Variants in HTR7 observed in about 807,000 individuals in gnomAD.
HTR7 encodes the protein 5-hydroxytryptamine receptor 7, also known as 5-HT-7.
HTR7 carries 16 observed loss-of-function variants against 34.0 expected under a neutral mutation model. The ratio of observed to expected loss-of-function variants is 0.47; its 90% CI spans 0.32 to 0.71. The LOEUF (loss-of-function observed/expected upper bound fraction) is 0.71, where lower values mean the gene tolerates loss of function less well. HTR7 is among the 30% of genes least tolerant of loss of function. The pLI is 0.04. For synonymous variants in HTR7, 265 were observed against 260.2 expected (o/e 1.02, Z -0.18); for missense variants, 504 against 625.5 (o/e 0.81, Z 2.07).
chr10:90,849,841 A>G (rs12414726), intron 1 of HTR7, among the ~76,000 whole-genome samples: 33,095 of 152,142 alleles, frequency 0.22, 4,644 homozygotes, highest in African/African-American at 0.39. Flanking sequence ...TCACACACGC[A>G]TGCACGCTAT....
intron 1 of HTR7, among the ~76,000 whole-genome samples, chr10:90,795,911 G>T (rs898426308): frequency 7.2e-5 from 11 of 152,130 alleles, no homozygotes; most frequent in Non-Finnish European, 1.5e-4. Flanking sequence ...GGTTGAAAGG[G>T]TTATTATCAA....
rs1210839417 is a variant in HTR7, at chr10:90,741,239, T to C, written c.*1243A>G. 2 of 152,596 alleles carry C rather than the reference T, an allele frequency of 1.3e-5. No homozygotes were observed. The highest frequency in any genetic ancestry group is 6.6e-5 in the Admixed American group (1 of 15,264). 9.5% of individuals were successfully genotyped at this position (152,596 alleles called of 1,614,324 possible). On this transcript the variant is annotated 3_prime_UTR_variant, in exon 4 of 4. Coordinates refer to ENST00000336152, the MANE Select transcript of HTR7 (RefSeq NM_019859.4). ...CTTGTAGGTACAGGTACTCTTCTAT[T>C]CTCATCTACTGTCTTTCTGTCTCCT... is the stretch of plus-strand genomic sequence containing the variant.
intron 1 of HTR7, among the ~76,000 whole-genome samples, chr10:90,834,436 T>C (rs752802443): frequency 3.9e-5 from 6 of 152,204 alleles, no homozygotes; most frequent in Non-Finnish European, 8.8e-5. Context: ...GCTTTTTCTG[T>C]ATAACAAACT....
intron 1 of HTR7, among the ~76,000 whole-genome samples, chr10:90,811,729 A>C (rs548907963): frequency 6.6e-6 from 1 of 152,172 alleles, no homozygotes; most frequent in Admixed American, 6.5e-5. Context: ...AGGACTGGCA[A>C]ATTAGCTTTA....
chr10:90,779,596 C>G (rs752470421), intron 1 of HTR7, among the ~76,000 whole-genome samples: 2 of 152,182 alleles, frequency 1.3e-5, no homozygotes, highest in Non-Finnish European at 2.9e-5. Flanking sequence ...TTTAGGCCAG[C>G]TCTCCTCCAT....
chr10:90,814,163 G>C (rs1384174191), intron 1 of HTR7, among the ~76,000 whole-genome samples: 2 of 152,182 alleles, frequency 1.3e-5, no homozygotes, highest in African/African-American at 4.8e-5. Flanking sequence ...AGCTAGCCTA[G>C]TGGACTGGAT....
rs527570863 is a variant in HTR7 at position 90,848,105 on chromosome 10, G to A, written c.539+9028C>T. Among the ~76,000 whole-genome samples, 20 of 81,484 alleles carry A rather than the reference G, an allele frequency of 2.5e-4. No individual in the cohort carries two copies. The Admixed American group carries it at 3.6e-3, about 15-fold the overall frequency. The allele number at this position is 81,484 out of a possible 152,430, so 53.5% of individuals were successfully genotyped here. ...TTTTTTTTTGGCAGGATTTGCTCTT[G>A]TTGCCCAAGCTGGAGTGCAATGGCG... is the stretch of plus-strand genomic sequence containing the variant. On this transcript the variant is annotated intron_variant, in intron 1 of 3. Coordinates refer to ENST00000336152, the MANE Select transcript of HTR7 (RefSeq NM_019859.4).
rs557589378 is a variant in HTR7, at chr10:90,857,186, G to A, written c.486C>T (p.Asp162=). ...TGATCGAGGCCGTGCAGCACATGAC[G>A]TCCATGGCGATGAAGACATTACAGA... The part of the protein sequence containing the change: ...HFFCNVFIAM[D]VMCCTASIMT... Residue 162 remains aspartate (D), a synonymous_variant, in exon 1 of 4, where the codon GAC becomes GAT. Coordinates refer to ENST00000336152, the MANE Select transcript of HTR7 (RefSeq NM_019859.4). This position sits in a 1 kb window ranked among gnomAD's most constrained non-coding sequence, Gnocchi z 6.5. 5.6e-6 allele frequency: 9 copies of A among 1,613,778 alleles called. No individual in the cohort carries two copies. In the South Asian group the frequency reaches 9.9e-5, roughly 18 times the overall value.
intron 1 of HTR7, among the ~76,000 whole-genome samples, chr10:90,776,615 A>G (rs1358257448): frequency 6.6e-6 from 1 of 152,222 alleles, no homozygotes; most frequent in Non-Finnish European, 1.5e-5. Flanking sequence ...TTGAAAGAAC[A>G]TGAGTTTGTT....
At chr10:90,824,948 A>C (rs892347475) in intron 1 of HTR7, among the ~76,000 whole-genome samples, 1 of 152,160 alleles carries the variant, frequency 6.6e-6, no homozygotes, top group Admixed American at 6.5e-5. Context: ...GGCTGGCTTT[A>C]CCACCTGCTG....
intron 1 of HTR7, among the ~76,000 whole-genome samples, chr10:90,782,170 C>T (rs887866719): frequency 6.6e-6 from 1 of 152,186 alleles, no homozygotes; most frequent in African/African-American, 2.4e-5. Flanking sequence ...AGACTGCACT[C>T]AATGCCCCAG....
At chr10:90,753,257 C>T (rs990556088) in intron 1 of HTR7, among the ~76,000 whole-genome samples, 2 of 151,408 alleles carry the variant, frequency 1.3e-5, no homozygotes, top group Non-Finnish European at 2.9e-5. Flanking sequence ...CAAAGCCAGG[C>T]GCAGTGGCTC....
intron 1 of HTR7, among the ~76,000 whole-genome samples, chr10:90,849,600 C>A (rs1447902741): frequency 6.6e-6 from 1 of 152,126 alleles, no homozygotes; most frequent in Non-Finnish European, 1.5e-5. Flanking sequence ...AGGGACAAAC[C>A]AAGGACCTCC....
intron 1 of HTR7, among the ~76,000 whole-genome samples, chr10:90,760,274 G>A (rs939257225): frequency 2.6e-5 from 4 of 152,284 alleles, no homozygotes; most frequent in East Asian, 3.9e-4. Flanking sequence ...AACACCACAT[G>A]TTCTCACTCT....
At chr10:90,826,491 CTT>C (rs1269073305) in intron 1 of HTR7, among the ~76,000 whole-genome samples, 1 of 151,792 alleles carries the variant, frequency 6.6e-6, no homozygotes, top group Admixed American at 6.6e-5. Flanking sequence ...CTACTCACCT[CTT>C]GAGTGGAAAG....
intron 1 of HTR7, among the ~76,000 whole-genome samples, chr10:90,768,986 G>A (rs1845066649): frequency 6.6e-6 from 1 of 152,184 alleles, no homozygotes; most frequent in South Asian, 2.1e-4. Context: ...CAGTACTGAT[G>A]ATTCCTCCCA....
rs1389921174 is a variant in HTR7 at position 90,758,226 on chromosome 10, T to C, written c.540-8632A>G. Among the ~76,000 whole-genome samples, 3 of 150,990 alleles carry C rather than the reference T, an allele frequency of 2.0e-5. No homozygotes were observed. The East Asian group carries it at 5.8e-4, about 29-fold the overall frequency. On this transcript the variant is annotated intron_variant, in intron 1 of 3. Coordinates refer to ENST00000336152, the MANE Select transcript of HTR7 (RefSeq NM_019859.4). ...TGGGCGTGGTGGCGCTGGCCTGTAG[T>C]CCCAGCTACTCAGGAGGCAGAGGCA...
At chr10:90,787,200 A>T (rs1045334323) in intron 1 of HTR7, among the ~76,000 whole-genome samples, 6 of 152,170 alleles carry the variant, frequency 3.9e-5, no homozygotes, top group African/African-American at 1.4e-4. Context: ...GTAAATAATA[A>T]GACAAACCGC....
intron 1 of HTR7, among the ~76,000 whole-genome samples, chr10:90,780,492 G>A (rs57822829): frequency 0.072 from 10,792 of 149,290 alleles, 616 homozygotes; most frequent in East Asian, 0.16. Flanking sequence ...AGCCGAGATC[G>A]TGGCACTGCA....
Sources: allele counts gnomAD v4.1 joint callset (sites outside exome capture counted in the v4.1 genomes callset), GRCh38; gene constraint gnomAD v4.1.1; non-coding constraint Gnocchi (gnomAD v3.1); transcripts MANE v1.5; gene names NCBI Gene and HGNC (gene_info 2026-07-23, HGNC 2026-07-21).